PPP1R3G: variants seen among roughly 807,000 people sequenced by gnomAD.
PPP1R3G encodes protein phosphatase 1, regulatory (inhibitor) subunit 3G.
PPP1R3G carries 3 observed loss-of-function variants against 2.0 expected under a neutral mutation model. The observed-to-expected ratio is 1.47, with a 90% confidence interval of 0.67 to 3.81. The LOEUF (loss-of-function observed/expected upper bound fraction) is 3.81. Among genes scored for constraint, PPP1R3G ranks in the 30% most tolerant of loss-of-function variants. The pLI is 0.02. For synonymous variants in PPP1R3G, 267 were observed against 250.9 expected, an observed-to-expected ratio of 1.06 and a Z score of -0.61; for missense variants, 595 against 517.0, an observed-to-expected ratio of 1.15 and a Z score of -1.46.
Position 5,086,859 on chromosome 6 carries a change from CA to C in PPP1R3G, c.*299del. ...CTGCGTCAGAATAGGAAGAAACTTC[CA>C]AGGCCCGGAGCAGCTGCCTCCAAGA... On this transcript the variant is annotated 3_prime_UTR_variant, in exon 1 of 1. Transcript: ENST00000405617. The C allele has an allele frequency of 2.3e-6, 1 of 438,740 alleles. No individual in the cohort carries two copies. Among genetic ancestry groups the C allele is most frequent in the East Asian group, 3.9e-5 (1 of 25,356 alleles). 27.2% of individuals were successfully genotyped at this position (438,740 alleles called of 1,614,324 possible).
chr6:5,086,737 T>A lies in PPP1R3G; in HGVS notation c.*175T>A. ...GTCGACTCGCACCCCCGCAGACAAG[T>A]GAGCGAGCTTAGAGAGCCCGGGCAA... is the stretch of plus-strand genomic sequence containing the variant. On this transcript the variant is annotated 3_prime_UTR_variant, in exon 1 of 1. Transcript: ENST00000405617. 1 of 616,084 alleles carries A rather than the reference T, an allele frequency of 1.6e-6. No individual in the cohort carries two copies. The highest frequency in any genetic ancestry group is 2.8e-6 in the Non-Finnish European group (1 of 353,702). 38.2% of individuals were successfully genotyped at this position (616,084 alleles called of 1,614,324 possible).
chr6:5,088,842 G>T lies in PPP1R3G; in HGVS notation c.*2280G>T, dbSNP rs1762115139. 1.3e-5 allele frequency: 2 copies of T among 152,194 alleles called. No individual in the cohort carries two copies. The highest frequency in any genetic ancestry group is 6.5e-5 in the Admixed American group (1 of 15,280). 9.4% of individuals were successfully genotyped at this position (152,194 alleles called of 1,614,324 possible). On this transcript the variant is annotated 3_prime_UTR_variant, in exon 1 of 1. Transcript: ENST00000405617. ...GCGGTTATCATTGTGTCAGGCAGGG[G>T]AATCTACCTGTTGCCTTCTTTCACC...
chr6:5,086,488 C>T lies in PPP1R3G; in HGVS notation c.1003C>T (p.Gln335Ter). The T allele has an allele frequency of 6.5e-7, 1 of 1,537,580 alleles. No homozygotes were observed. The highest frequency in any genetic ancestry group is 8.7e-7 in the Non-Finnish European group (1 of 1,146,498). Reference protein sequence around the residue: ...VHFAVCYRCAQGEYWDNNAGA... With the variant: ...VHFAVCYRCA ...CTTCGCTGTCTGCTACCGCTGCGCG[C>T]AGGGCGAGTACTGGGACAACAACGC... The change falls in exon 1 of 1, where the codon CAG (glutamine) becomes TAG (stop). Residue 335 changes from glutamine (Q) to a stop codon, truncating the protein, a stop_gained. Coordinates refer to ENST00000405617, the MANE Select transcript of PPP1R3G (RefSeq NM_001145115.3). LOFTEE classifies it high-confidence loss of function.
chr6:5,086,114 C>T lies in PPP1R3G; in HGVS notation c.629C>T (p.Ala210Val). 7 of 1,464,752 alleles carry T rather than the reference C, an allele frequency of 4.8e-6. No homozygotes were observed. Among genetic ancestry groups the T allele is most frequent in the Non-Finnish European group, 6.3e-6 (7 of 1,117,562 alleles). The allele number at this position is 1,464,752 out of a possible 1,614,324, so 90.7% of individuals were successfully genotyped here. ...LFQLPGPSAAAERLQRQRVCL... is the reference protein window; with the variant it reads ...LFQLPGPSAAVERLQRQRVCL... ...CAGCTCCCGGGGCCGAGCGCCGCGG[C>T]CGAGCGTCTGCAGCGGCAGCGCGTG... Residue 210 changes from alanine to valine, a missense_variant, in exon 1 of 1, where the codon GCC becomes GTC. Coordinates refer to ENST00000405617, the MANE Select transcript of PPP1R3G (RefSeq NM_001145115.3).
rs1486940245 is a variant in PPP1R3G at position 5,086,365 on chromosome 6, G to T, written c.880G>T (p.Glu294Ter). 1 of 1,535,974 alleles carries T rather than the reference G, an allele frequency of 6.5e-7. No homozygotes were observed. The highest frequency in any genetic ancestry group is 8.7e-7 in the Non-Finnish European group (1 of 1,146,760). ...GCCAGGGTCCGGGGATGCCAAGAAA[G>T]AGCCAGGCGCCGAGTGCTTCCACTT... ...SEPGSGDAKKEPGAECFHFSL... is the reference protein window; with the variant it reads ...SEPGSGDAKK The change falls in exon 1 of 1, where the codon GAG becomes TAG. Residue 294 changes from glutamate to a stop codon, truncating the protein, a stop_gained. Coordinates refer to ENST00000405617, the MANE Select transcript of PPP1R3G (RefSeq NM_001145115.3). LOFTEE classifies it low-confidence loss of function (END_TRUNC).
In PPP1R3G at chr6:5,085,756, C is replaced by T. The variant is rs1036382930; in HGVS notation, c.271C>T (p.Pro91Ser). The change falls in exon 1 of 1, where the codon CCC becomes TCC. Residue 91 changes from proline (P) to serine (S), a missense_variant. Pro to Ser is a moderately conservative substitution (Grantham distance 74). Coordinates refer to ENST00000405617, the MANE Select transcript of PPP1R3G (RefSeq NM_001145115.3). ...RARSFSLPAD[P>S]ILQAAKFLQQ... Reference sequence around the variant, plus strand: ...GCGCTCCTTTTCCTTGCCCGCCGACCCCATCTTGCAGGCGGCCAAGTTCCT... The same window carrying T: ...GCGCTCCTTTTCCTTGCCCGCCGACTCCATCTTGCAGGCGGCCAAGTTCCT... 128 of 1,537,238 alleles carry T rather than the reference C, an allele frequency of 8.3e-5. No individual in the cohort carries two copies. Among genetic ancestry groups the T allele is most frequent in the Non-Finnish European group, 1.0e-4 (115 of 1,142,224 alleles).
rs1440708349 is a variant in PPP1R3G, at chr6:5,088,777, C to T, written c.*2215C>T. On this transcript the variant is annotated 3_prime_UTR_variant, in exon 1 of 1. Transcript: ENST00000405617. ...TAAAGGTAAAGCTTTATATGACTCT[C>T]AGTAATCTTGTTTAGAATAAACACG... 2 of 152,142 alleles carry T rather than the reference C, an allele frequency of 1.3e-5. No individual in the cohort carries two copies. The highest frequency in any genetic ancestry group is 2.1e-4 in the South Asian group (1 of 4,830). 9.4% of individuals were successfully genotyped at this position (152,142 alleles called of 1,614,324 possible).
rs1291511977 is a variant in PPP1R3G, at chr6:5,089,287, A to G, written c.*2725A>G. 6.6e-6 allele frequency: 1 copy of G among 152,232 alleles called. No individual in the cohort carries two copies. Among genetic ancestry groups the G allele is most frequent in the Non-Finnish European group, 1.5e-5 (1 of 68,036 alleles). 9.4% of individuals were successfully genotyped at this position (152,232 alleles called of 1,614,324 possible). A position where few individuals can be genotyped will look rare whatever the true frequency, so the allele number is the denominator to read the frequency against. ...TCATCAGGTAATCTTGGTCTGATAT[A>G]CCATTTCTTAAAAGTACATTATTGC... On this transcript the variant is annotated 3_prime_UTR_variant, in exon 1 of 1. Coordinates refer to ENST00000405617, the MANE Select transcript of PPP1R3G (RefSeq NM_001145115.3).
rs1034842779 is a variant in PPP1R3G at position 5,088,483 on chromosome 6, A to C, written c.*1921A>C. On this transcript the variant is annotated 3_prime_UTR_variant, in exon 1 of 1. Transcript: ENST00000405617. ...ATATAAAATATATATTTCAGTGTTCACAAATCAGGTTTTACTGGAACACAG... is the reference window on the plus strand; with the variant it reads ...ATATAAAATATATATTTCAGTGTTCCCAAATCAGGTTTTACTGGAACACAG... 3.3e-5 allele frequency: 5 copies of C among 152,228 alleles called. No individual in the cohort carries two copies. The highest frequency in any genetic ancestry group is 1.2e-4 in the African/African-American group (5 of 41,448). The allele number at this position is 152,228 out of a possible 1,614,324, so 9.4% of individuals were successfully genotyped here.
Position 5,085,675 on chromosome 6 carries a change from G to C in PPP1R3G, c.190G>C (p.Glu64Gln), listed in dbSNP as rs1199285401. The change falls in exon 1 of 1, where the codon GAG (glutamate) becomes CAG (glutamine). Residue 64 changes from glutamate (E) to glutamine (Q), a missense_variant. Transcript: ENST00000405617. The stretch of plus-strand genomic sequence containing the variant: ...GGATAGGCCCCTGTCCCCGAAGGAA[G>C]AGGCCGCCCCCCAGGAGCAGGAGGA... ...LGDRPLSPKE[E>Q]AAPQEQEELL... The C allele has an allele frequency of 6.5e-7, 1 of 1,548,422 alleles. No individual in the cohort carries two copies. Among genetic ancestry groups the C allele is most frequent in the South Asian group, 1.2e-5 (1 of 83,960 alleles).
chr6:5,086,826 T>G lies in PPP1R3G; in HGVS notation c.*264T>G. ...TGACCTTCCTACAAGGCCTCTAGAATTCCCAGCCTGCGTCAGAATAGGAAG... is the reference window on the plus strand; with the variant it reads ...TGACCTTCCTACAAGGCCTCTAGAAGTCCCAGCCTGCGTCAGAATAGGAAG... On this transcript the variant is annotated 3_prime_UTR_variant, in exon 1 of 1. Transcript: ENST00000405617. 159 of 479,040 alleles carry G rather than the reference T, an allele frequency of 3.3e-4. No individual in the cohort carries two copies. The highest frequency in any genetic ancestry group is 6.1e-4 in the East Asian group (17 of 27,860). 29.7% of individuals were successfully genotyped at this position (479,040 alleles called of 1,614,324 possible).
rs1262235578 is a variant in PPP1R3G, at chr6:5,085,651, G to A, written c.166G>A (p.Asp56Asn). 1.3e-6 allele frequency: 2 copies of A among 1,548,764 alleles called. No homozygotes were observed. Among genetic ancestry groups the A allele is most frequent in the Admixed American group, 3.9e-5 (2 of 50,990 alleles). ...CCCGAGTCCTGACGCTCAGCTAGGG[G>A]ATAGGCCCCTGTCCCCGAAGGAAGA... The part of the protein sequence containing the change: ...ETPSPDAQLG[D>N]RPLSPKEEAA... Residue 56 changes from aspartate to asparagine, a missense_variant, in exon 1 of 1, where the codon GAT (aspartate) becomes AAT (asparagine). Physicochemically the swap from Asp to Asn is conservative, Grantham distance 23. Coordinates refer to ENST00000405617, the MANE Select transcript of PPP1R3G (RefSeq NM_001145115.3).
At position 5,085,623 on chromosome 6, in the gene PPP1R3G, G is replaced by A; in HGVS notation, c.138G>A (p.Glu46=). The A allele has an allele frequency of 6.5e-7, 1 of 1,548,302 alleles. No homozygotes were observed. Among genetic ancestry groups the A allele is most frequent in the South Asian group, 1.2e-5 (1 of 84,012 alleles). ...GCGGCGACGGCGGTGGCGCTTCGGA[G>A]ACCCCGAGTCCTGACGCTCAGCTAG... The part of the protein sequence containing the change: ...QGGGDGGGAS[E]TPSPDAQLGD... The change falls in exon 1 of 1, where the codon GAG becomes GAA. Residue 46 remains glutamate (E), a synonymous_variant. Transcript: ENST00000405617.
rs994041187 is a variant in PPP1R3G, at chr6:5,086,526, C to T, written c.1041C>T (p.Tyr347=). 3.9e-6 allele frequency: 6 copies of T among 1,532,910 alleles called. No homozygotes were observed. In the African/African-American group the frequency reaches 5.5e-5, roughly 14 times the overall value. The allele number at this position is 1,532,910 out of a possible 1,614,324, so 95.0% of individuals were successfully genotyped here. Residue 347 remains tyrosine, a synonymous_variant, in exon 1 of 1, where the codon TAC becomes TAT. Transcript: ENST00000405617. ...GGGACAACAACGCGGGCGCCAACTA[C>T]ACGCTGCGCTACGCGCGCCCTGCGG... The part of the protein sequence containing the change: ...EYWDNNAGAN[Y]TLRYARPADA...
Position 5,085,377 on chromosome 6 carries a change from G to C in PPP1R3G, c.-109G>C. 1.3e-6 allele frequency: 1 copy of C among 781,294 alleles called. No individual in the cohort carries two copies. Among genetic ancestry groups the C allele is most frequent in the Non-Finnish European group, 2.0e-6 (1 of 507,860 alleles). 48.4% of individuals were successfully genotyped at this position (781,294 alleles called of 1,614,324 possible). A position where few individuals can be genotyped will look rare whatever the true frequency, so the allele number is the denominator to read the frequency against. ...CGAGCCTGGGGCGACTCGCCTCGGG[G>C]AGGGCGAGCCTGAACTGCAGCCCTG... On this transcript the variant is annotated 5_prime_UTR_variant, in exon 1 of 1. Coordinates refer to ENST00000405617, the MANE Select transcript of PPP1R3G (RefSeq NM_001145115.3).
rs989744377 is a variant in PPP1R3G, at chr6:5,085,834, G to T, written c.349G>T (p.Ala117Ser). Residue 117 changes from alanine (A) to serine (S), a missense_variant, in exon 1 of 1, where the codon GCA (alanine) becomes TCA (serine). By Grantham distance (99) the Ala-to-Ser change is moderately conservative (BLOSUM62 1). Transcript: ENST00000405617. ...ACTGGGCGGCGAGGGGGCGGAGGAC[G>T]CACAGCTCGGCCCGGGCGGCTGCTG... ...VALGGEGAED[A>S]QLGPGGCCAK... is the part of the protein sequence containing the mutation. The T allele has an allele frequency of 3.3e-6, 5 of 1,529,158 alleles. No homozygotes were observed. The highest frequency in any genetic ancestry group is 4.0e-5 in the Admixed American group (2 of 50,370). The allele number at this position is 1,529,158 out of a possible 1,614,324, so 94.7% of individuals were successfully genotyped here.
chr6:5,085,358 TG>T lies in PPP1R3G; in HGVS notation c.-124del. The T allele has an allele frequency of 1.5e-6, 1 of 672,260 alleles. No individual in the cohort carries two copies. The highest frequency in any genetic ancestry group is 2.4e-6 in the Non-Finnish European group (1 of 409,558). 41.6% of individuals were successfully genotyped at this position (672,260 alleles called of 1,614,324 possible). ...TGGAACTACGTTGTCTTGTCGAGCC[TG>T]GGGCGACTCGCCTCGGGGAGGGCGA... On this transcript the variant is annotated 5_prime_UTR_variant, in exon 1 of 1. Coordinates refer to ENST00000405617, the MANE Select transcript of PPP1R3G (RefSeq NM_001145115.3).
rs956999859 is a variant in PPP1R3G, at chr6:5,085,644, G to T, written c.159G>T (p.Gln53His). Residue 53 changes from glutamine (Q) to histidine (H), a missense_variant, in exon 1 of 1, where the codon CAG becomes CAT. Coordinates refer to ENST00000405617, the MANE Select transcript of PPP1R3G (RefSeq NM_001145115.3). ...CGGAGACCCCGAGTCCTGACGCTCA[G>T]CTAGGGGATAGGCCCCTGTCCCCGA... ...GASETPSPDA[Q>H]LGDRPLSPKE... The T allele has an allele frequency of 1.9e-6, 3 of 1,548,726 alleles. No individual in the cohort carries two copies. The African/African-American group carries it at 4.1e-5, about 21-fold the overall frequency.
rs1279811148 is a variant in PPP1R3G, at chr6:5,086,050, C to T, written c.565C>T (p.Pro189Ser). The change falls in exon 1 of 1, where the codon CCC becomes TCC. Residue 189 changes from proline (P) to serine (S), a missense_variant. By Grantham distance (74) the Pro-to-Ser change is moderately conservative (BLOSUM62 -1). Transcript: ENST00000405617. The stretch of plus-strand genomic sequence containing the variant: ...GCTGGCCGCGGCGGCAGTGGCCGCG[C>T]CCCTTTCAGCGCCGCCTTCCCGGCT... ...GLLAAAAVAAPLSAPPSRLRP... is the reference protein window; with the variant it reads ...GLLAAAAVAASLSAPPSRLRP... The T allele has an allele frequency of 6.7e-7, 1 of 1,482,254 alleles. No individual in the cohort carries two copies. Among genetic ancestry groups the T allele is most frequent in the Admixed American group, 2.3e-5 (1 of 43,462 alleles). The allele number at this position is 1,482,254 out of a possible 1,614,324, so 91.8% of individuals were successfully genotyped here. A position where few individuals can be genotyped will look rare whatever the true frequency, so the allele number is the denominator to read the frequency against.
Sources: allele counts gnomAD v4.1 joint callset, GRCh38; gene constraint gnomAD v4.1.1; transcripts MANE v1.5; gene names NCBI Gene and HGNC (gene_info 2026-07-23, HGNC 2026-07-21).